The following RNF130 variants were observed in gnomAD, a reference collection of about 807,000 sequenced individuals.
RNF130 encodes the protein ring finger protein 130, also known as E3 ubiquitin-protein ligase RNF130.
In RNF130, 21 loss-of-function variants were observed where a neutral mutation model predicts 44.6. The ratio of observed to expected loss-of-function variants is 0.47; its 90% confidence interval spans 0.33 to 0.68. The LOEUF (loss-of-function observed/expected upper bound fraction) is 0.68. Among genes scored for constraint, RNF130 ranks in the 30% least tolerant of loss-of-function variants. RNF130 has a pLI of 0.02. For synonymous variants in RNF130, 214 were observed against 210.4 expected (o/e 1.02, Z -0.15); for missense variants, 479 against 560.6 (o/e 0.85, Z 1.47).
chr5:180,039,966 T>A (rs1183343456), intron 2 of RNF130, among the ~76,000 whole-genome samples: 1 of 152,216 alleles, frequency 6.6e-6, no homozygotes, highest in Non-Finnish European at 1.5e-5. Flanking sequence ...AAGTGCTCAA[T>A]AAACTGCAAC....
intron 1 of RNF130, among the ~76,000 whole-genome samples, chr5:180,069,381 A>G (rs1303111343): frequency 6.6e-6 from 1 of 152,162 alleles, no homozygotes. Context: ...ACAAAGCCAG[A>G]CTTAAACCAC....
intron 5 of RNF130, among the ~76,000 whole-genome samples, chr5:179,974,453 C>T (rs866241701): frequency 7.2e-5 from 11 of 152,220 alleles, no homozygotes; most frequent in Admixed American, 2.0e-4. Context: ...GAGGCCCCTC[C>T]GCCATGCCAA....
chr5:179,995,784 ACT>A (rs1324288983), intron 3 of RNF130, among the ~76,000 whole-genome samples: 32 of 151,862 alleles, frequency 2.1e-4, no homozygotes, highest in Admixed American at 2.0e-4. Flanking sequence ...TTTTAGCCAG[ACT>A]CTGCCAGGAG....
intron 3 of RNF130, among the ~76,000 whole-genome samples, chr5:179,994,906 G>A (rs907792333): frequency 6.6e-6 from 1 of 152,148 alleles, no homozygotes; most frequent in Admixed American, 6.5e-5. Flanking sequence ...AGTGTCCCAC[G>A]CAATGGGTTG....
chr5:180,055,248 C>CAAAAAAAAA (rs1205914690), intron 1 of RNF130, among the ~76,000 whole-genome samples: 13 of 20,966 alleles, frequency 6.2e-4, no homozygotes, highest in African/African-American at 2.0e-3. Context: ...GGTTCTGTCT[C>CAAAAAAAAA]AAAAAAAAAA....
chr5:179,922,859 G>A (rs192027056), intron 7 of RNF130, among the ~76,000 whole-genome samples: 7 of 137,682 alleles, frequency 5.1e-5, no homozygotes, highest in South Asian at 2.3e-4. Flanking sequence ...GCTTGAGTCC[G>A]GGAAGCAGAG....
chr5:179,995,196 A>G (rs922110197), intron 3 of RNF130, among the ~76,000 whole-genome samples: 1 of 147,392 alleles, frequency 6.8e-6, no homozygotes, highest in African/African-American at 2.5e-5. Context: ...ACAGTATGGG[A>G]CCTGCCTCTC....
At chr5:180,020,049 A>G (rs1335841202) in intron 2 of RNF130, among the ~76,000 whole-genome samples, 1 of 152,186 alleles carries the variant, frequency 6.6e-6, no homozygotes, top group Non-Finnish European at 1.5e-5. Flanking sequence ...CAACAAAACT[A>G]AATGACAGGA....
intron 7 of RNF130, chr5:179,920,567 T>C (rs1761614411): frequency 1.7e-6 from 1 of 576,930 alleles, no homozygotes; most frequent in Non-Finnish European, 3.1e-6. Context: ...ATTAGAGAGA[T>C]ACAAAAAGTG....
chr5:179,993,991 C>T (rs62404974), intron 3 of RNF130, among the ~76,000 whole-genome samples: 30,726 of 152,078 alleles, frequency 0.2, 3,326 homozygotes, highest in Middle Eastern at 0.24. Flanking sequence ...GAATCCTTTC[C>T]CCATTTCTTG....
chr5:179,947,135 T>C (rs1028646869), intron 7 of RNF130, among the ~76,000 whole-genome samples: 3 of 152,346 alleles, frequency 2.0e-5, no homozygotes, highest in South Asian at 4.1e-4. Flanking sequence ...CTGACACAAC[T>C]GTCTTCACCA....
rs566092442 is a variant in RNF130 at position 179,992,703 on chromosome 5, G to T, written c.694-12503C>A. Among the ~76,000 whole-genome samples the T allele has an allele frequency of 1.1e-4, 16 of 152,018 alleles. 1 individual carries two copies. The South Asian group carries it at 2.9e-3, about 28-fold the overall frequency. ...TATTTTTAAATTTTAGTTGAAGTGG[G>T]ATTATTTTTTATTTTTTATGGTTTA... On this transcript the variant is annotated intron_variant, in intron 3 of 8. Coordinates refer to ENST00000521389, the MANE Select transcript of RNF130 (RefSeq NM_018434.6).
In RNF130 at chr5:180,016,198, C is replaced by T. The variant is rs561640580; in HGVS notation, c.443-2887G>A. 7.9e-5 allele frequency among the ~76,000 whole-genome samples: 12 copies of T among 152,042 alleles called. No individual in the cohort carries two copies. The South Asian group carries it at 2.3e-3, about 29-fold the overall frequency. On this transcript the variant is annotated intron_variant, in intron 2 of 8. Coordinates refer to ENST00000521389, the MANE Select transcript of RNF130 (RefSeq NM_018434.6). ...GTCTTAAATCTTTTACAGAATCTGGCGAAAGTTATATAGGAGTCCCCTCCT... is the reference window on the plus strand; with the variant it reads ...GTCTTAAATCTTTTACAGAATCTGGTGAAAGTTATATAGGAGTCCCCTCCT...
At chr5:179,949,831 C>T (rs1468749470) in intron 7 of RNF130, among the ~76,000 whole-genome samples, 1 of 152,156 alleles carries the variant, frequency 6.6e-6, no homozygotes, top group African/African-American at 2.4e-5. Flanking sequence ...AGATGAGACC[C>T]CTCAGATCAC....
At chr5:179,989,812 T>C (rs1015120161) in intron 3 of RNF130, among the ~76,000 whole-genome samples, 11 of 152,186 alleles carry the variant, frequency 7.2e-5, no homozygotes, top group African/African-American at 2.7e-4. Context: ...TTTTCTTCTG[T>C]CTTTGTGGTT....
At chr5:179,948,077 G>A (rs1452052125) in intron 7 of RNF130, among the ~76,000 whole-genome samples, 1 of 152,188 alleles carries the variant, frequency 6.6e-6, no homozygotes, top group Non-Finnish European at 1.5e-5. Context: ...TTGACTCTGG[G>A]CTGCCTGGGT....
In RNF130 at chr5:179,978,292, T is replaced by G. The variant is rs765950164; in HGVS notation, c.766-7A>C. On this transcript the variant is annotated splice_region_variant and splice_polypyrimidine_tract_variant and intron_variant, in intron 4 of 8. Coordinates refer to ENST00000521389, the MANE Select transcript of RNF130 (RefSeq NM_018434.6). ...CAAAGTCTGGGTCAGTTTCCTAAAA[T>G]GAAAAGTACAGAAACAAAAAGTCAC... 6.2e-7 allele frequency: 1 copy of G among 1,607,642 alleles called. No individual in the cohort carries two copies. Among genetic ancestry groups the G allele is most frequent in the South Asian group, 1.1e-5 (1 of 90,928 alleles).
chr5:179,991,368 T>C (rs1477007877), intron 3 of RNF130, among the ~76,000 whole-genome samples: 1 of 152,256 alleles, frequency 6.6e-6, no homozygotes, highest in Non-Finnish European at 1.5e-5. Flanking sequence ...CTGCCTCTTG[T>C]ATCTGAATGA....
At chr5:179,954,945 C>T (rs994775709), downstream of RNF130, 4 of 152,166 alleles carry the variant, frequency 2.6e-5, no homozygotes, top group East Asian at 3.8e-4. Flanking sequence ...AGTATTTCAC[C>T]GGCACATGTA....
Sources: allele counts gnomAD v4.1 joint callset (sites outside exome capture counted in the v4.1 genomes callset), GRCh38; gene constraint gnomAD v4.1.1; transcripts MANE v1.5; gene names NCBI Gene and HGNC (gene_info 2026-07-23, HGNC 2026-07-21).